Variants in SMC4 observed in about 807,000 individuals in gnomAD.
SMC4 encodes structural maintenance of chromosomes 4.
SMC4 carries 87 observed loss-of-function variants against 145.6 expected under a neutral mutation model. The observed-to-expected ratio is 0.60, with a 90% CI of 0.50 to 0.71. The LOEUF (loss-of-function observed/expected upper bound fraction) is 0.71, where lower values mean the gene tolerates loss of function less well. Among genes scored for constraint, SMC4 ranks in the 30% least tolerant of loss-of-function variants. The pLI is 0.00. For missense variants in SMC4, 1,447 were observed against 1,537.1 expected (o/e 0.94, Z 0.98); for synonymous variants, 558 against 500.7 (o/e 1.11, Z -1.53).
intron 17 of SMC4, 64 bp from the exon 18 acceptor site, chr3:160,428,689 C>T (rs1718057033): frequency 7.0e-7 from 1 of 1,431,798 alleles, no homozygotes; most frequent in Non-Finnish European, 9.4e-7. Flanking sequence ...AAGAAATGTA[C>T]ATCTAACAAA....
At chr3:160,417,998 C>A in intron 11 of SMC4, 42 bp downstream of exon 11, 1 of 1,499,048 alleles carries the variant, frequency 6.7e-7, no homozygotes, top group Non-Finnish European at 9.2e-7. Context: ...ATCATTCGTC[C>A]ACTTCAGCTT....
At chr3:160,403,952 A>G (rs532509196) in intron 4 of SMC4, 1 of 167,238 alleles carries the variant, frequency 6.0e-6, no homozygotes, top group Non-Finnish European at 1.3e-5. Context: ...TTGAATCATC[A>G]TTTTAAAAAG....
At position 160,419,339 on chromosome 3, in the gene SMC4, A is replaced by T; in HGVS notation, c.1672-19A>T. 6.5e-7 allele frequency: 1 copy of T among 1,539,484 alleles called. No individual in the cohort carries two copies. Among genetic ancestry groups the T allele is most frequent in the Non-Finnish European group, 8.8e-7 (1 of 1,133,782 alleles). On this transcript the variant is annotated intron_variant, in intron 11 of 23. Transcript: ENST00000357388. ...TTAGAAGTTAATGCTTCTGGATTTC[A>T]TTTTATTTTCACTTTTAGAAAGAAA...
At chr3:160,422,993 A>C (rs1717347006) in intron 13 of SMC4, among the ~76,000 whole-genome samples, 2 of 152,236 alleles carry the variant, frequency 1.3e-5, no homozygotes, top group South Asian at 2.1e-4. Flanking sequence ...CAGTTTTATT[A>C]CTTGTGCTGG....
rs1716047314 is a variant in SMC4, at chr3:160,412,048, G to C, written c.816G>C (p.Arg272=). Reference sequence around the variant, plus strand: ...ATGAACCTATTAAAGTCTTGTGTCGGAGAGTTGAAATATTAAATGAACACA... The same window carrying C: ...ATGAACCTATTAAAGTCTTGTGTCGCAGAGTTGAAATATTAAATGAACACA... ...RLNEPIKVLC[R]RVEILNEHRG... Residue 272 remains arginine (R), a synonymous_variant, in exon 6 of 24, where the codon CGG becomes CGC. Coordinates refer to ENST00000357388, the MANE Select transcript of SMC4 (RefSeq NM_001002800.3). 1 of 1,613,360 alleles carries C rather than the reference G, an allele frequency of 6.2e-7. No individual in the cohort carries two copies. The highest frequency in any genetic ancestry group is 1.7e-5 in the Admixed American group (1 of 59,980).
intron 5 of SMC4, among the ~76,000 whole-genome samples, chr3:160,410,812 G>A (rs576577019): frequency 6.9e-4 from 105 of 152,280 alleles, no homozygotes; most frequent in Middle Eastern, 3.4e-3. Flanking sequence ...AGGTTCACCT[G>A]TATTCACTTA....
At chr3:160,426,660 A>G (rs1180984001) in intron 17 of SMC4, among the ~76,000 whole-genome samples, 3 of 152,076 alleles carry the variant, frequency 2.0e-5, no homozygotes, top group Admixed American at 6.5e-5. Flanking sequence ...AGACATGTAA[A>G]TGTTCTACCA....
At chr3:160,412,209 T>A (rs761613364) in intron 6 of SMC4, 117 bp from the exon 7 acceptor site, 4 of 1,417,764 alleles carry the variant, frequency 2.8e-6, no homozygotes, top group Non-Finnish European at 3.8e-6. Flanking sequence ...ATTTATATCT[T>A]AACATTTAAG....
chr3:160,408,038 T>C (rs1032207669), intron 5 of SMC4, among the ~76,000 whole-genome samples: 8 of 152,128 alleles, frequency 5.3e-5, no homozygotes, highest in Non-Finnish European at 8.8e-5. Flanking sequence ...ATAAAAGATA[T>C]AGAAAATAAA....
chr3:160,402,632 C>T (rs1192742438), intron 3 of SMC4, 44 bp from the exon 4 acceptor site: 2 of 1,570,874 alleles, frequency 1.3e-6, no homozygotes, highest in Non-Finnish European at 1.7e-6. Context: ...ATTAGCATGA[C>T]CTTATGAACT....
At chr3:160,400,785 G>A in intron 1 of SMC4, 37 bp from the exon 2 acceptor site, 1 of 1,461,198 alleles carries the variant, frequency 6.8e-7, no homozygotes, top group Non-Finnish European at 8.9e-7. Flanking sequence ...GTAGCGGCCC[G>A]CGGGCTGACT....
In SMC4 at chr3:160,432,505, A is replaced by G. The variant is rs751060672; in HGVS notation, c.3520A>G (p.Ile1174Val). 2.5e-6 allele frequency: 4 copies of G among 1,592,870 alleles called. No homozygotes were observed. The highest frequency in any genetic ancestry group is 1.7e-5 in the Admixed American group (1 of 57,784). ...CAGCTTGGATCCTTTCTCTGAAGGAATCATGTTCAGGTGTGTAATTATGCT... is the reference window on the plus strand; with the variant it reads ...CAGCTTGGATCCTTTCTCTGAAGGAGTCATGTTCAGGTGTGTAATTATGCT... ...VDSLDPFSEGIMFSVRPPKKS... is the reference protein window; with the variant it reads ...VDSLDPFSEGVMFSVRPPKKS... Residue 1174 changes from isoleucine (I) to valine (V), a missense_variant, in exon 22 of 24, where the codon ATC (isoleucine) becomes GTC (valine). Coordinates refer to ENST00000357388, the MANE Select transcript of SMC4 (RefSeq NM_001002800.3).
chr3:160,412,650 C>T (rs1716137658), intron 7 of SMC4, 197 bp downstream of exon 7: 41 of 1,112,818 alleles, frequency 3.7e-5, no homozygotes, highest in Non-Finnish European at 4.6e-5. Context: ...TCACTTGAGG[C>T]TGGGAGTTCA....
In SMC4 at chr3:160,419,483, C is replaced by A. The variant is rs1351586233; in HGVS notation, c.1797C>A (p.Val599=). The A allele has an allele frequency of 1.9e-6, 3 of 1,607,540 alleles. No homozygotes were observed. The highest frequency in any genetic ancestry group is 2.5e-6 in the Non-Finnish European group (3 of 1,178,500). Residue 599 remains valine, a synonymous_variant, in exon 12 of 24, where the codon GTC becomes GTA. Coordinates refer to ENST00000357388, the MANE Select transcript of SMC4 (RefSeq NM_001002800.3). ...SLAMNRSRGK[V]LDAIIQEKKS... ...CAATGAATCGAAGTAGGGGGAAAGT[C>A]CTTGATGCAATAATTCAAGAAAAAA...
At chr3:160,416,226 C>T (rs964897619) in intron 9 of SMC4, 25 bp from the exon 10 acceptor site, 12 of 1,532,220 alleles carry the variant, frequency 7.8e-6, no homozygotes, top group Non-Finnish European at 3.5e-6. Flanking sequence ...GATGTATGCT[C>T]CTATAACTTG....
chr3:160,432,153 G>T, intron 21 of SMC4, 130 bp from the exon 22 acceptor site: 1 of 719,444 alleles, frequency 1.4e-6, no homozygotes, highest in South Asian at 1.9e-5. Flanking sequence ...CGTGAGCCGA[G>T]ATCGCGCCAT....
intron 19 of SMC4, 132 bp downstream of exon 19, chr3:160,430,875 T>G (rs556918844): frequency 8.1e-7 from 1 of 1,239,278 alleles, no homozygotes; most frequent in East Asian, 2.6e-5. Context: ...AATTTTTATT[T>G]GTACAATAAG....
At position 160,433,662 on chromosome 3, in the gene SMC4, AAC is replaced by A; in HGVS notation, c.3722_3723del (p.Thr1241LysfsTer13). On this transcript the variant is annotated frameshift_variant, in exon 24 of 24. Transcript: ENST00000357388. LOFTEE classifies it high-confidence loss of function. ...TTTTCTTTGTTTCTCTTTAGGAACAAACAAAAAATGCACAGTTCATAATAATT... is the reference window on the plus strand; with the variant it reads ...TTTTCTTTGTTTCTCTTTAGGAACAAAAAAAATGCACAGTTCATAATAATT... ...SIVAFYIYEQ[T>X]KNAQFIIISL... 1 of 1,540,590 alleles carries A rather than the reference AAC, an allele frequency of 6.5e-7. No homozygotes were observed. Among genetic ancestry groups the A allele is most frequent in the Non-Finnish European group, 8.8e-7 (1 of 1,142,438 alleles).
Position 160,401,959 on chromosome 3 carries a change from T to G in SMC4, c.184T>G (p.Leu62Val). 6.2e-7 allele frequency: 1 copy of G among 1,607,118 alleles called. No homozygotes were observed. Among genetic ancestry groups the G allele is most frequent in the Non-Finnish European group, 8.5e-7 (1 of 1,177,164 alleles). ...ELDNRSLEEILNSIPPPPPPA... is the reference protein window; with the variant it reads ...ELDNRSLEEIVNSIPPPPPPA... ...TGATAATAGAAGTTTAGAAGAGATTTTGAACAGCATTCCTCCTCCCCCGCC... is the reference window on the plus strand; with the variant it reads ...TGATAATAGAAGTTTAGAAGAGATTGTGAACAGCATTCCTCCTCCCCCGCC... The change falls in exon 3 of 24, where the codon TTG (leucine) becomes GTG (valine). Residue 62 changes from leucine (L) to valine (V), a missense_variant. Coordinates refer to ENST00000357388, the MANE Select transcript of SMC4 (RefSeq NM_001002800.3).
Sources: gnomAD v4.1 joint callset for allele counts (sites outside exome capture counted in the v4.1 genomes callset) on GRCh38, gnomAD v4.1.1 for gene constraint, MANE v1.5 for transcripts, NCBI Gene and HGNC (gene_info 2026-07-23, HGNC 2026-07-21) for gene names.